NRG3: variants seen among roughly 807,000 people sequenced by gnomAD.
NRG3 encodes the protein neuregulin 3.
NRG3 carries 31 observed loss-of-function variants against 66.9 expected under a neutral mutation model. The ratio of observed to expected loss-of-function variants is 0.46; its 90% confidence interval spans 0.35 to 0.63. The LOEUF is 0.63. Ranked by LOEUF, NRG3 falls within the 20% of genes least tolerant of loss-of-function variation. The pLI is 0.00. For missense variants in NRG3, 910 were observed against 878.9 expected, an observed-to-expected ratio of 1.04 and a Z score of -0.45; for synonymous variants, 393 against 359.4, an observed-to-expected ratio of 1.09 and a Z score of -1.06.
intron 2 of NRG3, among the ~76,000 whole-genome samples, chr10:82,533,265 A>G (rs143032655): frequency 1.4e-4 from 21 of 151,742 alleles, no homozygotes; most frequent in African/African-American, 5.1e-4. Flanking sequence ...ATTGCTGATC[A>G]TTTCTTTTGC....
At chr10:82,063,194 A>G (rs1024920723) in intron 1 of NRG3, among the ~76,000 whole-genome samples, 1 of 152,162 alleles carries the variant, frequency 6.6e-6, no homozygotes, top group Non-Finnish European at 1.5e-5. Context: ...TGATGAGAGT[A>G]TTCATGGCTG....
At chr10:81,979,340 T>A (rs10883995) in intron 1 of NRG3, among the ~76,000 whole-genome samples, 57,828 of 151,904 alleles carry the variant, frequency 0.38, 14,007 homozygotes, top group East Asian at 0.77. Context: ...TAATATAACA[T>A]AAAAGGAAAT....
At chr10:82,418,147 C>G (rs2088720889) in intron 2 of NRG3, among the ~76,000 whole-genome samples, 1 of 152,140 alleles carries the variant, frequency 6.6e-6, no homozygotes. Context: ...ACTGTCAGCT[C>G]CTATAGTACC....
intron 1 of NRG3, among the ~76,000 whole-genome samples, chr10:82,042,304 T>G (rs1436121359): frequency 1.3e-5 from 2 of 152,050 alleles, no homozygotes; most frequent in African/African-American, 4.8e-5. Flanking sequence ...AAATTTAAAA[T>G]GTAGGATTAG....
intron 1 of NRG3, among the ~76,000 whole-genome samples, chr10:82,149,099 C>G (rs2070494525): frequency 6.6e-6 from 1 of 151,622 alleles, no homozygotes. Context: ...ATCAAGCCTA[C>G]CTAATAAAAT....
At chr10:82,627,078 C>T (rs2049480697) in intron 2 of NRG3, among the ~76,000 whole-genome samples, 1 of 151,826 alleles carries the variant, frequency 6.6e-6, no homozygotes, top group Admixed American at 6.6e-5. Context: ...TAAGGCTGCT[C>T]CTGACAACAG....
intron 2 of NRG3, among the ~76,000 whole-genome samples, chr10:82,486,065 G>A (rs1842653003): frequency 1.3e-5 from 2 of 152,078 alleles, no homozygotes; most frequent in Non-Finnish European, 2.9e-5. Context: ...ATCACTAATC[G>A]TCAGGGAAAC....
At chr10:81,898,086 C>T (rs1046964363) in intron 1 of NRG3, among the ~76,000 whole-genome samples, 1 of 152,136 alleles carries the variant, frequency 6.6e-6, no homozygotes, top group African/African-American at 2.4e-5. Flanking sequence ...TTGTGGGCAG[C>T]TGGATTAGAA....
intron 2 of NRG3, among the ~76,000 whole-genome samples, chr10:82,528,868 T>C (rs1846982934): frequency 6.6e-6 from 1 of 152,132 alleles, no homozygotes; most frequent in South Asian, 2.1e-4. Flanking sequence ...TTTCCTCTTT[T>C]TTAGGGGGAG....
At chr10:82,704,810 A>G (rs2056164065) in intron 2 of NRG3, among the ~76,000 whole-genome samples, 1 of 152,206 alleles carries the variant, frequency 6.6e-6, no homozygotes, top group Non-Finnish European at 1.5e-5. Context: ...AGAATTTGTC[A>G]TTCAAAATAT....
At chr10:82,082,445 G>A (rs1470113640) in intron 1 of NRG3, among the ~76,000 whole-genome samples, 1 of 152,178 alleles carries the variant, frequency 6.6e-6, no homozygotes, top group Non-Finnish European at 1.5e-5. Flanking sequence ...AAGTGTTAAG[G>A]TTATCGTCTT....
intron 2 of NRG3, among the ~76,000 whole-genome samples, chr10:82,634,447 T>A: frequency 7.9e-6 from 1 of 125,960 alleles, no homozygotes; most frequent in Admixed American, 8.2e-5. Context: ...TCTTCAGAAG[T>A]TTAGAGGTAA....
intron 1 of NRG3, among the ~76,000 whole-genome samples, chr10:82,229,347 CA>C (rs1473444004): frequency 4.6e-5 from 7 of 152,162 alleles, no homozygotes; most frequent in South Asian, 4.1e-4. Context: ...TAGACATTAA[CA>C]AAACAATAAC....
At chr10:82,770,457 C>T (rs1001079104) in intron 3 of NRG3, among the ~76,000 whole-genome samples, 5 of 152,054 alleles carry the variant, frequency 3.3e-5, no homozygotes, top group East Asian at 1.9e-4. Context: ...CCTAATACGA[C>T]GATTTTCTAA....
At chr10:81,961,449 G>T (rs1160873354) in intron 1 of NRG3, among the ~76,000 whole-genome samples, 1 of 145,636 alleles carries the variant, frequency 6.9e-6, no homozygotes, top group African/African-American at 2.6e-5. Context: ...CCAGGCTCTA[G>T]CATAGAATAT....
intron 1 of NRG3, among the ~76,000 whole-genome samples, chr10:82,102,113 CATATATATATATGTGTATTCATATAT>C (rs1365104356): frequency 0.02 from 1,680 of 85,936 alleles, 57 homozygotes; most frequent in African/African-American, 0.059. Flanking sequence ...TATGTGTATT[CATATATATATATGTGTATTCATATAT>C]ATATATATAT....
chr10:81,947,749 G>A (rs968051835), intron 1 of NRG3, among the ~76,000 whole-genome samples: 1 of 151,844 alleles, frequency 6.6e-6, no homozygotes, highest in Admixed American at 6.6e-5. Flanking sequence ...ATCACTGACT[G>A]TGGAAACAGT....
chr10:82,317,634 G>C (rs2081362827), intron 1 of NRG3, among the ~76,000 whole-genome samples: 1 of 152,150 alleles, frequency 6.6e-6, no homozygotes, highest in Admixed American at 6.5e-5. Flanking sequence ...TCTCCATACT[G>C]CTTCAAGAGT....
chr10:82,137,008 A>G (rs1052559925), intron 1 of NRG3, among the ~76,000 whole-genome samples: 2 of 152,204 alleles, frequency 1.3e-5, no homozygotes, highest in African/African-American at 4.8e-5. Flanking sequence ...TATGATGTCA[A>G]AACAAGGTAC....
Sources: gnomAD v4.1 joint callset for allele counts (sites outside exome capture counted in the v4.1 genomes callset) on GRCh38, gnomAD v4.1.1 for gene constraint, MANE v1.5 for transcripts, NCBI Gene and HGNC (gene_info 2026-07-23, HGNC 2026-07-21) for gene names.